Variants in UIMC1 observed in about 807,000 individuals in gnomAD.
The protein encoded by UIMC1 is BRCA1-A complex subunit RAP80.
In UIMC1, 42 loss-of-function variants were observed where a neutral mutation model predicts 84.9. That is an observed-to-expected ratio of 0.49 (90% CI 0.39 to 0.64). The LOEUF (loss-of-function observed/expected upper bound fraction) is 0.64. Ranked by LOEUF, UIMC1 falls within the 30% of genes least tolerant of loss-of-function variation. The pLI, the probability that UIMC1 is intolerant of heterozygous loss-of-function variation, is 0.00. For missense variants in UIMC1, 825 were observed against 847.6 expected (o/e 0.97, Z 0.33); for synonymous variants, 281 against 293.0 (o/e 0.96, Z 0.42).
chr5:176,908,933 T>C (rs1759761698), intron 11 of UIMC1, among the ~76,000 whole-genome samples: 1 of 152,180 alleles, frequency 6.6e-6, no homozygotes, highest in East Asian at 1.9e-4. Flanking sequence ...GTTGCAGCAG[T>C]GGGATGGTAA....
intron 7 of UIMC1, 48 bp downstream of exon 7, chr5:176,958,045 T>C: frequency 6.3e-7 from 1 of 1,589,732 alleles, no homozygotes; most frequent in South Asian, 1.1e-5. Flanking sequence ...ATCTCCCTTA[T>C]GCTGGCAACC....
Position 176,968,718 on chromosome 5 carries a change from T to C in UIMC1, c.1037A>G (p.Asn346Ser), listed in dbSNP as rs763085197. Residue 346 changes from asparagine (N) to serine (S), a missense_variant, in exon 6 of 15, where the codon AAT becomes AGT. Physicochemically the swap from Asn to Ser is conservative, Grantham distance 46 (BLOSUM62 1). Coordinates refer to ENST00000511320, the MANE Select transcript of UIMC1 (RefSeq NM_001199298.2). The part of the protein sequence containing the change: ...CGQGEQASEK[N>S]ECISEDMGDE... ...TCCCATATCTTCTGAGATGCATTCA[T>C]TTTTCTCACTAGCCTGCTCTCCTTG... 24 of 1,614,146 alleles carry C rather than the reference T, an allele frequency of 1.5e-5. No individual in the cohort carries two copies. The highest frequency in any genetic ancestry group is 2.0e-5 in the Non-Finnish European group (24 of 1,180,016).
intron 3 of UIMC1, among the ~76,000 whole-genome samples, chr5:176,972,139 G>A (rs1301719863): frequency 2.6e-5 from 4 of 152,118 alleles, no homozygotes; most frequent in East Asian, 1.9e-4. Context: ...GGTGGCTCAC[G>A]CCTGTAATCC....
intron 1 of UIMC1, among the ~76,000 whole-genome samples, chr5:176,997,777 T>C (rs1773846905): frequency 6.6e-6 from 1 of 151,952 alleles, no homozygotes; most frequent in African/African-American, 2.4e-5. Flanking sequence ...ACAAAGTATG[T>C]CCCGTATTAT....
At chr5:176,917,567 G>A (rs1561729281) in intron 10 of UIMC1, among the ~76,000 whole-genome samples, 1 of 152,092 alleles carries the variant, frequency 6.6e-6, no homozygotes, top group African/African-American at 2.4e-5. Flanking sequence ...ATGAGACTCT[G>A]TCTCAAACAA....
At chr5:176,980,506 A>T (rs990798691) in intron 2 of UIMC1, among the ~76,000 whole-genome samples, 3 of 149,822 alleles carry the variant, frequency 2.0e-5, no homozygotes, top group Non-Finnish European at 4.4e-5. Flanking sequence ...GACACAGAAG[A>T]AATTACTGCC....
chr5:176,971,012 C>A, intron 3 of UIMC1, 146 bp from the exon 4 acceptor site: 3 of 1,182,500 alleles, frequency 2.5e-6, no homozygotes, highest in Non-Finnish European at 3.4e-6. Context: ...TGAGGAAAAC[C>A]CCAGAAGGAA....
intron 1 of UIMC1, among the ~76,000 whole-genome samples, chr5:176,996,477 G>A (rs1357847416): frequency 2.0e-5 from 3 of 152,180 alleles, no homozygotes; most frequent in African/African-American, 7.2e-5. Context: ...TAAGGAGGTT[G>A]ACAAATCTCT....
intron 6 of UIMC1, among the ~76,000 whole-genome samples, chr5:176,959,646 G>A (rs965773786): frequency 6.7e-6 from 1 of 150,072 alleles, no homozygotes. Flanking sequence ...AACCCGGGAG[G>A]CGGAGCTTGC....
chr5:176,998,565 C>T (rs1481459246), intron 1 of UIMC1, among the ~76,000 whole-genome samples: 1 of 149,552 alleles, frequency 6.7e-6, no homozygotes, highest in African/African-American at 2.5e-5. Context: ...GTCAGGAGTT[C>T]GAGACCAGCC....
At chr5:177,010,035 C>T (rs1775509744), upstream of UIMC1, among the ~76,000 whole-genome samples, 3 of 151,338 alleles carry the variant, frequency 2.0e-5, no homozygotes, top group East Asian at 3.9e-4. Context: ...ATACAGATGC[C>T]GTGTGGCCAG....
chr5:176,983,515 G>T (rs970434089), intron 1 of UIMC1, among the ~76,000 whole-genome samples: 1 of 152,150 alleles, frequency 6.6e-6, no homozygotes, highest in African/African-American at 2.4e-5. Flanking sequence ...GATTGCAGAC[G>T]GAGTCTCGCT....
At chr5:176,985,456 C>CA (rs35535020) in intron 1 of UIMC1, among the ~76,000 whole-genome samples, 3,848 of 88,364 alleles carry the variant, frequency 0.044, 64 homozygotes, top group South Asian at 0.089. Flanking sequence ...AATTCTGTCT[C>CA]AAAAAAAAAA....
chr5:176,969,140 G>A lies in UIMC1; in HGVS notation c.615C>T (p.Ser205=). ...CGTTCACATTCTCAAACACTGGCTGGCTTGACTGGTCCCAGCTTCCTGAGC... is the reference window on the plus strand; with the variant it reads ...CGTTCACATTCTCAAACACTGGCTGACTTGACTGGTCCCAGCTTCCTGAGC... ...SGSSGSWDQS[S]QPVFENVNVK... is the part of the protein sequence containing the mutation. Residue 205 remains serine (S), a synonymous_variant, in exon 6 of 15, where the codon AGC becomes AGT. Coordinates refer to ENST00000511320, the MANE Select transcript of UIMC1 (RefSeq NM_001199298.2). 1 of 1,614,166 alleles carries A rather than the reference G, an allele frequency of 6.2e-7. No homozygotes were observed. Among genetic ancestry groups the A allele is most frequent in the Non-Finnish European group, 8.5e-7 (1 of 1,180,030 alleles).
Position 176,968,882 on chromosome 5 carries a change from C to T in UIMC1, c.873G>A (p.Gln291=), listed in dbSNP as rs1768739111. Residue 291 remains glutamine, a synonymous_variant, in exon 6 of 15, where the codon CAG becomes CAA. Transcript: ENST00000511320. ...ACTGGCAGAGAATGACCTTGGTATA[C>T]TGGTTAGGGTCTACTCCATCAGGGC... ...PFCPDGVDPN[Q]YTKVILCQLE... 13 of 1,614,126 alleles carry T rather than the reference C, an allele frequency of 8.1e-6. No homozygotes were observed. Among genetic ancestry groups the T allele is most frequent in the Non-Finnish European group, 1.0e-5 (12 of 1,179,998 alleles).
intron 10 of UIMC1, among the ~76,000 whole-genome samples, chr5:176,937,008 C>T (rs917479733): frequency 2.6e-5 from 4 of 152,194 alleles, no homozygotes; most frequent in Admixed American, 2.0e-4. Context: ...GTATATTCTG[C>T]TCACTGTATC....
intron 1 of UIMC1, among the ~76,000 whole-genome samples, chr5:177,004,546 A>G (rs1404848139): frequency 2.0e-5 from 3 of 152,198 alleles, no homozygotes; most frequent in Non-Finnish European, 2.9e-5. Context: ...CTAACTGCCA[A>G]TGAAGGAGGA....
intron 10 of UIMC1, among the ~76,000 whole-genome samples, chr5:176,936,088 A>G (rs1254698348): frequency 6.6e-6 from 1 of 152,156 alleles, no homozygotes; most frequent in East Asian, 1.9e-4. Context: ...GTTCTACCCA[A>G]CTAGTGGCTT....
intron 13 of UIMC1, among the ~76,000 whole-genome samples, chr5:176,906,425 C>T (rs1325922655): frequency 6.6e-6 from 1 of 152,176 alleles, no homozygotes; most frequent in Non-Finnish European, 1.5e-5. Context: ...AACAGATTTG[C>T]TTGGTGGGAA....
Sources: gnomAD v4.1 joint callset for allele counts (sites outside exome capture counted in the v4.1 genomes callset) on GRCh38, gnomAD v4.1.1 for gene constraint, MANE v1.5 for transcripts, NCBI Gene and HGNC (gene_info 2026-07-23, HGNC 2026-07-21) for gene names.